The following CDH23 variants were observed in gnomAD, a reference collection of about 807,000 sequenced individuals.
CDH23 encodes the protein cadherin-23.
Under a neutral mutation model 317.1 loss-of-function variants are expected in CDH23, and 189 were observed. The ratio of observed to expected loss-of-function variants is 0.60; its 90% CI spans 0.53 to 0.67. CDH23 has a LOEUF of 0.67. Among genes scored for constraint, CDH23 ranks in the 30% least tolerant of loss-of-function variants. CDH23 has a pLI of 0.00. For synonymous variants in CDH23, 1,839 were observed against 1,876.8 expected (o/e 0.98, Z 0.52); for missense variants, 4,401 against 4,592.4 (o/e 0.96, Z 1.20).
At chr10:71,782,731 A>G in intron 41 of CDH23, among the ~76,000 whole-genome samples, 1 of 152,224 alleles carries the variant, frequency 6.6e-6, no homozygotes, top group Non-Finnish European at 1.5e-5. Flanking sequence ...CCGGGGCTTG[A>G]GACAGGGCTG....
chr10:71,495,916 A>G (rs1852939799), intron 3 of CDH23, among the ~76,000 whole-genome samples: 1 of 152,214 alleles, frequency 6.6e-6, no homozygotes, highest in Non-Finnish European at 1.5e-5. Flanking sequence ...GGGTTCTCAA[A>G]AATGTGGTCT....
intron 6 of CDH23, among the ~76,000 whole-genome samples, chr10:71,555,779 A>G (rs759202192): frequency 1.3e-5 from 2 of 152,144 alleles, no homozygotes; most frequent in Non-Finnish European, 2.9e-5. Context: ...TGGGTATCAC[A>G]CTTGGCCTTG....
At chr10:71,772,369 T>C (rs573695002) in intron 38 of CDH23, among the ~76,000 whole-genome samples, 1 of 152,208 alleles carries the variant, frequency 6.6e-6, no homozygotes, top group African/African-American at 2.4e-5. Context: ...TCCCTCCGAG[T>C]CCCTGCATGA....
intron 3 of CDH23, among the ~76,000 whole-genome samples, chr10:71,475,569 T>C (rs1851748859): frequency 6.6e-6 from 1 of 152,228 alleles, no homozygotes; most frequent in Non-Finnish European, 1.5e-5. Flanking sequence ...TCGGTATTAA[T>C]GCCCGGTTCC....
intron 3 of CDH23, among the ~76,000 whole-genome samples, chr10:71,490,022 AG>A (rs529674555): frequency 6.6e-6 from 1 of 151,086 alleles, no homozygotes; most frequent in African/African-American, 2.4e-5. Flanking sequence ...TGCCTGCTTG[AG>A]GGGGGTGTTT....
chr10:71,670,955 T>G (rs1478966840), intron 14 of CDH23, among the ~76,000 whole-genome samples: 5 of 149,104 alleles, frequency 3.4e-5, no homozygotes, highest in Non-Finnish European at 5.9e-5. Flanking sequence ...AGCCCTGATT[T>G]GGCATCTTTT....
chr10:71,404,828 G>A lies in CDH23; in HGVS notation c.-6+7510G>A, dbSNP rs548361371. On this transcript the variant is annotated intron_variant, in intron 1 of 69. Coordinates refer to ENST00000224721, the MANE Select transcript of CDH23 (RefSeq NM_022124.6). ...ATCTTCCTTGAGGCAGGCGGTTAGC[G>A]ATATCACCTTCCTCTTTAAAGGCCA... Among the ~76,000 whole-genome samples, 8 of 152,334 alleles carry A rather than the reference G, an allele frequency of 5.3e-5. No individual in the cohort carries two copies. In the East Asian group the frequency reaches 7.7e-4, roughly 15 times the overall value.
rs886047136 is a variant in CDH23, at chr10:71,732,276, C to G, written c.4005C>G (p.Val1335=). The change falls in exon 32 of 70, where the codon GTC becomes GTG. Residue 1335 remains valine (V), a synonymous_variant. Coordinates refer to ENST00000224721, the MANE Select transcript of CDH23 (RefSeq NM_022124.6). ...NLALGTEIVR[V]QAYSIDNLNQ... ...CACTGGGTACTGAGATTGTGCGGGT[C>G]CAGGCCTACTCCATCGACAACCTCA... 6.2e-7 allele frequency: 1 copy of G among 1,613,326 alleles called. No individual in the cohort carries two copies. Among genetic ancestry groups the G allele is most frequent in the Non-Finnish European group, 8.5e-7 (1 of 1,179,564 alleles).
chr10:71,805,924 T>G lies in CDH23; in HGVS notation c.7991T>G (p.Phe2664Cys). ...GCGGGCAACCGGGACTGGGAGTTCT[T>G]CATCATCGACCCAATCAGCGGCCTC... ...KTAGNRDWEF[F>C]IIDPISGLIQ... The change falls in exon 56 of 70, where the codon TTC (phenylalanine) becomes TGC (cysteine). Residue 2664 changes from phenylalanine to cysteine, a missense_variant. Phe to Cys is a radical substitution (Grantham distance 205). This residue lies in a region of CDH23 where 1,144 missense variants were observed against 1,138.2 expected (regional missense o/e 1.01). Transcript: ENST00000224721. 1 of 1,612,942 alleles carries G rather than the reference T, an allele frequency of 6.2e-7. No homozygotes were observed. The highest frequency in any genetic ancestry group is 8.5e-7 in the Non-Finnish European group (1 of 1,179,548).
At chr10:71,481,869 A>T (rs534172448) in intron 3 of CDH23, among the ~76,000 whole-genome samples, 1 of 152,214 alleles carries the variant, frequency 6.6e-6, no homozygotes, top group African/African-American at 2.4e-5. Context: ...TCTTGCCTAC[A>T]TGGGTGACTG....
Position 71,444,475 on chromosome 10 carries a change from G to A in CDH23, c.68-1843G>A, listed in dbSNP as rs906633193. On this transcript the variant is annotated intron_variant, in intron 2 of 69. Coordinates refer to ENST00000224721, the MANE Select transcript of CDH23 (RefSeq NM_022124.6). The stretch of plus-strand genomic sequence containing the variant: ...ACGTGGGTGCATGTGAGTATTTGGG[G>A]TGGTCAGGGAGGGCTTCCTGGAAGA... Among the ~76,000 whole-genome samples the A allele has an allele frequency of 4.6e-5, 7 of 152,196 alleles. No individual in the cohort carries two copies. The South Asian group carries it at 1.0e-3, about 23-fold the overall frequency.
chr10:71,582,208 C>T (rs1038147107), intron 9 of CDH23, among the ~76,000 whole-genome samples: 9 of 152,196 alleles, frequency 5.9e-5, no homozygotes, highest in African/African-American at 1.2e-4. Flanking sequence ...GCTCTGGAGC[C>T]GCTGTCCATG....
chr10:71,597,475 C>T (rs74147371), intron 9 of CDH23, among the ~76,000 whole-genome samples: 7,226 of 152,206 alleles, frequency 0.047, 249 homozygotes, highest in South Asian at 0.13. Flanking sequence ...CCACCTCATC[C>T]GCCCTGAAGC....
intron 16 of CDH23, among the ~76,000 whole-genome samples, chr10:71,678,677 G>A (rs1864477296): frequency 6.6e-6 from 1 of 152,190 alleles, no homozygotes. Context: ...CCGGAGTGGT[G>A]GGGACCACTG....
chr10:71,794,042 C>T (rs1181289707), intron 48 of CDH23, among the ~76,000 whole-genome samples: 11 of 152,108 alleles, frequency 7.2e-5, no homozygotes, highest in Admixed American at 7.2e-4. Flanking sequence ...ACTCTTGTCA[C>T]CTAGGCTGGA....
chr10:71,414,439 C>T (rs1328812841), intron 1 of CDH23, among the ~76,000 whole-genome samples: 6 of 152,102 alleles, frequency 3.9e-5, no homozygotes, highest in Non-Finnish European at 8.8e-5. Context: ...CTTCTTTCTT[C>T]TGCTAATGTG....
chr10:71,611,589 G>A (rs1346494608), intron 9 of CDH23, among the ~76,000 whole-genome samples: 1 of 152,110 alleles, frequency 6.6e-6, no homozygotes, highest in Admixed American at 6.6e-5. Context: ...GCCTGGGGTG[G>A]GTTCTATTAT....
At chr10:71,722,138 A>G (rs1589373153) in intron 28 of CDH23, among the ~76,000 whole-genome samples, 1 of 152,216 alleles carries the variant, frequency 6.6e-6, no homozygotes, top group East Asian at 1.9e-4. Context: ...AAGAAAATCC[A>G]TTCTATATTA....
intron 34 of CDH23, chr10:71,737,745 G>T: frequency 2.1e-6 from 1 of 470,160 alleles, no homozygotes. Flanking sequence ...TCCAGCCGCA[G>T]TGGCCTGTGG....
Sources: allele counts gnomAD v4.1 joint callset (sites outside exome capture counted in the v4.1 genomes callset), GRCh38; gene constraint gnomAD v4.1.1; regional missense constraint gnomAD v4.1.1; transcripts MANE v1.5; gene names NCBI Gene and HGNC (gene_info 2026-07-23, HGNC 2026-07-21).